Variants in ERGIC1 observed in about 807,000 individuals in gnomAD.
The protein encoded by ERGIC1 is endoplasmic reticulum-golgi intermediate compartment 1.
In ERGIC1, 19 loss-of-function variants were observed where a neutral mutation model predicts 38.3. The observed-to-expected ratio is 0.50, with a 90% confidence interval of 0.35 to 0.73. The LOEUF (loss-of-function observed/expected upper bound fraction) is 0.73. Ranked by LOEUF, ERGIC1 falls within the 30% of genes least tolerant of loss-of-function variation. ERGIC1 has a pLI of 0.01. For missense variants in ERGIC1, 294 were observed against 389.2 expected, an observed-to-expected ratio of 0.76 and a Z score of 2.06; for synonymous variants, 124 against 157.6, an observed-to-expected ratio of 0.79 and a Z score of 1.60.
At chr5:172,925,198 A>C (rs370878476) in intron 6 of ERGIC1, among the ~76,000 whole-genome samples, 2 of 152,160 alleles carry the variant, frequency 1.3e-5, no homozygotes, top group African/African-American at 4.8e-5. Flanking sequence ...GTATCATGCC[A>C]CTGCACTCCA....
intron 1 of ERGIC1, among the ~76,000 whole-genome samples, chr5:172,887,460 A>G (rs13171592): frequency 0.26 from 39,835 of 152,126 alleles, 5,716 homozygotes; most frequent in African/African-American, 0.38. Flanking sequence ...CCGTGGCCTC[A>G]CAGGGTCTAG....
intron 4 of ERGIC1, among the ~76,000 whole-genome samples, chr5:172,910,029 G>A (rs1012619107): frequency 1.3e-5 from 2 of 152,138 alleles, no homozygotes; most frequent in Non-Finnish European, 2.9e-5. Context: ...TTACAGCTTC[G>A]CAGCAGAGCC....
chr5:172,947,583 G>A (rs1305982393), intron 9 of ERGIC1, among the ~76,000 whole-genome samples: 1 of 152,224 alleles, frequency 6.6e-6, no homozygotes, highest in African/African-American at 2.4e-5. Context: ...GGTGATGGGG[G>A]CACGTTGAGC....
intron 3 of ERGIC1, among the ~76,000 whole-genome samples, chr5:172,899,701 G>T (rs903213315): frequency 7.9e-5 from 12 of 152,254 alleles, no homozygotes; most frequent in African/African-American, 2.9e-4. Context: ...ACACATGGAG[G>T]AGCTGAAAAC....
chr5:172,873,398 T>C (rs9313609), intron 1 of ERGIC1, among the ~76,000 whole-genome samples: 56,979 of 152,102 alleles, frequency 0.37, 10,747 homozygotes, highest in East Asian at 0.46. Flanking sequence ...ATCTGTCTGT[T>C]GCAGGTTGGG....
At chr5:172,845,570 C>A (rs1363954953) in intron 1 of ERGIC1, among the ~76,000 whole-genome samples, 1 of 152,194 alleles carries the variant, frequency 6.6e-6, no homozygotes, top group East Asian at 1.9e-4. Flanking sequence ...AGTGCTGAGC[C>A]AAACAGACAA....
intron 1 of ERGIC1, among the ~76,000 whole-genome samples, chr5:172,869,023 C>T (rs538393752): frequency 1.3e-5 from 2 of 152,346 alleles, no homozygotes; most frequent in African/African-American, 4.8e-5. Flanking sequence ...TCATCTTCTC[C>T]AGTGGTTCTT....
At chr5:172,945,419 C>T (rs1764099951) in intron 9 of ERGIC1, among the ~76,000 whole-genome samples, 1 of 152,196 alleles carries the variant, frequency 6.6e-6, no homozygotes, top group Non-Finnish European at 1.5e-5. Context: ...CTGTATGACT[C>T]GTCTTGCCTT....
At chr5:172,935,424 G>A in intron 9 of ERGIC1, 114 bp downstream of exon 9, 1 of 1,438,100 alleles carries the variant, frequency 7.0e-7, no homozygotes, top group Non-Finnish European at 9.5e-7. Context: ...GCAGCCTGCA[G>A]GGCTAGGGGC....
chr5:172,909,784 C>T (rs375627568), intron 4 of ERGIC1, 23 bp downstream of exon 4: 23 of 1,604,478 alleles, frequency 1.4e-5, no homozygotes, highest in African/African-American at 2.7e-5. Flanking sequence ...CGCAGCCCCT[C>T]CCTCCAGCAG....
At chr5:172,848,260 G>A (rs792965) in intron 1 of ERGIC1, among the ~76,000 whole-genome samples, 19,249 of 152,136 alleles carry the variant, frequency 0.13, 1,754 homozygotes, top group African/African-American at 0.25. Context: ...CTTCATGATG[G>A]TTCCAGGCTA....
chr5:172,931,211 AG>A (rs1269508733), intron 7 of ERGIC1: 7 of 152,180 alleles, frequency 4.6e-5, no homozygotes, highest in African/African-American at 1.7e-4. Context: ...GCTTCCTGTA[AG>A]CATCCCAGAA....
intron 1 of ERGIC1, among the ~76,000 whole-genome samples, chr5:172,888,103 G>A (rs1263605640): frequency 6.6e-6 from 1 of 152,196 alleles, no homozygotes; most frequent in Admixed American, 6.5e-5. Flanking sequence ...TGGGAACGTG[G>A]CAGGGAACAA....
rs1316117372 is a variant in ERGIC1, at chr5:172,952,531, A to AAC, written c.*1716_*1717insCA. On this transcript the variant is annotated 3_prime_UTR_variant, in exon 10 of 10. Coordinates refer to ENST00000393784, the MANE Select transcript of ERGIC1 (RefSeq NM_001031711.3). Reference sequence around the variant, plus strand: ...TGCATTTTTTTGAAGAAAAAAAAAAAAACAACTCTGAGGACATAGGGGATG... The same window carrying AAC: ...TGCATTTTTTTGAAGAAAAAAAAAAAACAACAACTCTGAGGACATAGGGGATG... 1.4e-5 allele frequency: 2 copies of AAC among 143,958 alleles called. No homozygotes were observed. The highest frequency in any genetic ancestry group is 3.9e-4 in the East Asian group (2 of 5,168). 8.9% of individuals were successfully genotyped at this position (143,958 alleles called of 1,614,324 possible).
intron 3 of ERGIC1, among the ~76,000 whole-genome samples, chr5:172,901,195 C>T (rs1762866745): frequency 6.6e-6 from 1 of 152,222 alleles, no homozygotes; most frequent in South Asian, 2.1e-4. Context: ...CAGCCCCAGC[C>T]TGTGGTTATC....
chr5:172,920,308 C>T (rs1234248032), intron 5 of ERGIC1: 2 of 717,432 alleles, frequency 2.8e-6, no homozygotes, highest in Non-Finnish European at 2.6e-6. Flanking sequence ...GCCCCCGCAC[C>T]TCTCTCCCAG....
chr5:172,909,897 A>G, intron 4 of ERGIC1, 136 bp downstream of exon 4: 1 of 769,666 alleles, frequency 1.3e-6, no homozygotes, highest in East Asian at 2.6e-5. Flanking sequence ...AGGAGAATAT[A>G]ATTGCGTATG....
chr5:172,863,622 C>T (rs913888579), intron 1 of ERGIC1, among the ~76,000 whole-genome samples: 16 of 152,176 alleles, frequency 1.1e-4, no homozygotes, highest in African/African-American at 3.9e-4. Context: ...CCACTTCTTC[C>T]AGGCAGCTGC....
chr5:172,874,453 C>T (rs537879557), intron 1 of ERGIC1, among the ~76,000 whole-genome samples: 14 of 152,280 alleles, frequency 9.2e-5, no homozygotes, highest in Admixed American at 9.2e-4. Flanking sequence ...AGAAATGCTG[C>T]CTTCTTCATC....
Sources: allele counts gnomAD v4.1 joint callset (sites outside exome capture counted in the v4.1 genomes callset), GRCh38; gene constraint gnomAD v4.1.1; transcripts MANE v1.5; gene names NCBI Gene and HGNC (gene_info 2026-07-23, HGNC 2026-07-21).